Variants in OPRK1 observed in about 807,000 individuals in gnomAD.
OPRK1 encodes opioid receptor kappa 1.
OPRK1 carries 15 observed loss-of-function variants against 24.5 expected under a neutral mutation model. The observed-to-expected ratio is 0.61, with a 90% CI of 0.41 to 0.94. The LOEUF (loss-of-function observed/expected upper bound fraction) is 0.94, where lower values mean the gene tolerates loss of function less well. Among genes scored for constraint, OPRK1 ranks in the 40% least tolerant of loss-of-function variants. The probability of loss-of-function intolerance (pLI) is 0.00; values close to 1 mark genes in which losing one functional copy is unlikely to be tolerated. For missense variants in OPRK1, 479 were observed against 507.3 expected (o/e 0.94, Z 0.54); for synonymous variants, 205 against 198.0 (o/e 1.04, Z -0.30).
chr8:53,239,471 A>G (rs911263713), intron 2 of OPRK1, among the ~76,000 whole-genome samples: 1 of 152,168 alleles, frequency 6.6e-6, no homozygotes, highest in African/African-American at 2.4e-5. Flanking sequence ...GAGGAAATGG[A>G]TTTCCTGGTT....
chr8:53,241,311 T>C (rs1313510049), intron 2 of OPRK1, among the ~76,000 whole-genome samples: 1 of 152,212 alleles, frequency 6.6e-6, no homozygotes, highest in Non-Finnish European at 1.5e-5. Context: ...TCAGTTTCAG[T>C]TCACCTCAAT....
intron 2 of OPRK1, among the ~76,000 whole-genome samples, chr8:53,236,670 G>A (rs1384759192): frequency 6.6e-6 from 1 of 152,202 alleles, no homozygotes; most frequent in Admixed American, 6.5e-5. Context: ...AGCAAGGACA[G>A]TTACTGAGAA....
Position 53,235,124 on chromosome 8 carries a change from A to G in OPRK1, c.258-13T>C. On this transcript the variant is annotated splice_polypyrimidine_tract_variant and intron_variant, in intron 2 of 3. Transcript: ENST00000265572. ...CATCTTTGTGTATCTAAAAGAAAAG[A>G]AACAATAGCATTTCCCTCCATTTTC... 4 of 1,600,546 alleles carry G rather than the reference A, an allele frequency of 2.5e-6. No individual in the cohort carries two copies. The highest frequency in any genetic ancestry group is 3.4e-6 in the Non-Finnish European group (4 of 1,170,268).
Position 53,246,520 on chromosome 8 carries a change from T to TTCATGTGC in OPRK1, c.257+4253_257+4260dup, listed in dbSNP as rs1807232489. Among the ~76,000 whole-genome samples the TTCATGTGC allele has an allele frequency of 2.0e-5, 3 of 152,186 alleles. No homozygotes were observed. The South Asian group carries it at 6.2e-4, about 32-fold the overall frequency. On this transcript the variant is annotated intron_variant, in intron 2 of 3. Transcript: ENST00000265572. ...GTAAGATGACAGATGCTTGGTTATG[T>TTCATGTGC]TCATGTGCTGAAGAGCAGGTGAAGA...
Position 53,232,842 on chromosome 8 carries a change from T to C in OPRK1, c.610+1917A>G, listed in dbSNP as rs577357753. On this transcript the variant is annotated intron_variant, in intron 3 of 3. Transcript: ENST00000265572. ...TGCTTATAGCGATTATAATAATTCT[T>C]AGCTACTATAAAAAAGTAAGAGCAG... 1.1e-3 allele frequency among the ~76,000 whole-genome samples: 162 copies of C among 152,340 alleles called. 3 individuals carry two copies. The highest frequency in any genetic ancestry group is 6.8e-3 in the Middle Eastern group (2 of 294).
chr8:53,235,098 T>G lies in OPRK1; in HGVS notation c.271A>C (p.Lys91Gln). The G allele has an allele frequency of 1.9e-6, 3 of 1,613,262 alleles. No individual in the cohort carries two copies. The highest frequency in any genetic ancestry group is 1.3e-5 in the African/African-American group (1 of 75,026). The change falls in exon 3 of 4, where the codon AAG (lysine) becomes CAG (glutamine). Residue 91 changes from lysine (K) to glutamine (Q), a missense_variant. Coordinates refer to ENST00000265572, the MANE Select transcript of OPRK1 (RefSeq NM_000912.5). ...MFVIIRYTKM[K>Q]TATNIYIFNL... Reference sequence around the variant, plus strand: ...AATATGTAAATGTTGGTTGCTGTCTTCATCTTTGTGTATCTAAAAGAAAAG... The same window carrying G: ...AATATGTAAATGTTGGTTGCTGTCTGCATCTTTGTGTATCTAAAAGAAAAG...
At chr8:53,236,349 TCCAG>T (rs1806997475) in intron 2 of OPRK1, among the ~76,000 whole-genome samples, 1 of 152,160 alleles carries the variant, frequency 6.6e-6, no homozygotes, top group African/African-American at 2.4e-5. Flanking sequence ...AGGTTCACAC[TCCAG>T]CCTCAGTGTC....
In OPRK1 at chr8:53,227,673, G is replaced by A. The variant is rs944424204; in HGVS notation, c.*1624C>T. The A allele has an allele frequency of 2.0e-5, 3 of 151,828 alleles. No individual in the cohort carries two copies. The highest frequency in any genetic ancestry group is 1.9e-4 in the East Asian group (1 of 5,150). 9.4% of individuals were successfully genotyped at this position (151,828 alleles called of 1,614,324 possible). A position where few individuals can be genotyped will look rare whatever the true frequency, so the allele number is the denominator to read the frequency against. Reference sequence around the variant, plus strand: ...CTGTGTTAGGTGCCATGATAATCTGGAGTAGAGGCAAACATGGTCAGAGTA... The same window carrying A: ...CTGTGTTAGGTGCCATGATAATCTGAAGTAGAGGCAAACATGGTCAGAGTA... On this transcript the variant is annotated 3_prime_UTR_variant, in exon 4 of 4. Coordinates refer to ENST00000265572, the MANE Select transcript of OPRK1 (RefSeq NM_000912.5).
At chr8:53,238,651 G>A in intron 2 of OPRK1, 2 of 985,464 alleles carry the variant, frequency 2.0e-6, no homozygotes, top group Non-Finnish European at 2.4e-6. Context: ...TCTCTTTACA[G>A]AGAAACGAGG....
intron 3 of OPRK1, among the ~76,000 whole-genome samples, chr8:53,231,425 C>T (rs1341893862): frequency 6.6e-6 from 1 of 152,118 alleles, no homozygotes; most frequent in Non-Finnish European, 1.5e-5. Context: ...CTTTTATTTT[C>T]AGCATTAGTT....
chr8:53,234,537 G>A (rs186927857), intron 3 of OPRK1, among the ~76,000 whole-genome samples: 47 of 152,184 alleles, frequency 3.1e-4, no homozygotes, highest in African/African-American at 1.1e-3. Context: ...GAGACAGGTC[G>A]GGCATCTCTC....
chr8:53,249,823 C>T (rs907792983), intron 2 of OPRK1, among the ~76,000 whole-genome samples: 13 of 152,060 alleles, frequency 8.5e-5, no homozygotes, highest in African/African-American at 2.4e-4. Context: ...ACTTGCATCC[C>T]GCCCTTATTT....
chr8:53,234,022 C>G (rs1179663727), intron 3 of OPRK1, among the ~76,000 whole-genome samples: 2 of 151,804 alleles, frequency 1.3e-5, no homozygotes, highest in African/African-American at 4.8e-5. Context: ...ACGGTGAAAC[C>G]CTGTCTCTAC....
intron 2 of OPRK1, among the ~76,000 whole-genome samples, chr8:53,249,519 C>G (rs553629615): frequency 2.0e-5 from 3 of 152,094 alleles, no homozygotes; most frequent in Non-Finnish European, 4.4e-5. Flanking sequence ...GGGCACCAAG[C>G]TATAAACACT....
intron 3 of OPRK1, among the ~76,000 whole-genome samples, chr8:53,231,902 C>T (rs1028087896): frequency 6.6e-6 from 1 of 152,110 alleles, no homozygotes; most frequent in African/African-American, 2.4e-5. Context: ...CAGCTTCCTC[C>T]CAAACAAACT....
At chr8:53,230,007 C>G (rs1806815159) in intron 3 of OPRK1, among the ~76,000 whole-genome samples, 178 bp from the exon 4 acceptor site, 1 of 151,816 alleles carries the variant, frequency 6.6e-6, no homozygotes, top group Non-Finnish European at 1.5e-5. Context: ...TGTTAGCCAT[C>G]CTAATCTTTG....
rs1351837367 is a variant in OPRK1 at position 53,250,969 on chromosome 8, G to A, written c.69C>T (p.Pro23=). 3 of 1,605,448 alleles carry A rather than the reference G, an allele frequency of 1.9e-6. No homozygotes were observed. Among genetic ancestry groups the A allele is most frequent in the Non-Finnish European group, 1.7e-6 (2 of 1,176,198 alleles). ...GPTCAPSACL[P]PNSSAWFPGW... is the part of the protein sequence containing the mutation. The stretch of plus-strand genomic sequence containing the variant: ...CGGGAAACCAGGCGCTGCTGTTGGG[G>A]GGCAGGCAGGCGCTCGGGGCGCAGG... Residue 23 remains proline, a synonymous_variant, in exon 2 of 4, where the codon CCC becomes CCT. Transcript: ENST00000265572.
rs1276412594 is a variant in OPRK1 at position 53,226,163 on chromosome 8, T to G, written c.*3134A>C. 1.3e-5 allele frequency: 2 copies of G among 152,134 alleles called. No individual in the cohort carries two copies. The highest frequency in any genetic ancestry group is 4.8e-5 in the African/African-American group (2 of 41,372). 9.4% of individuals were successfully genotyped at this position (152,134 alleles called of 1,614,324 possible). ...TAATATATCACAGAATAGAACCATT[T>G]TCTTAAGATTTTATGTGACTCTTTA... On this transcript the variant is annotated 3_prime_UTR_variant, in exon 4 of 4. Coordinates refer to ENST00000265572, the MANE Select transcript of OPRK1 (RefSeq NM_000912.5).
At position 53,229,277 on chromosome 8, in the gene OPRK1, G is replaced by T; in HGVS notation, c.*20C>A. On this transcript the variant is annotated 3_prime_UTR_variant, in exon 4 of 4. Transcript: ENST00000265572. The stretch of plus-strand genomic sequence containing the variant: ...CTCCTCTCTTCCCGAAGAACTGTAC[G>T]AAGACATCTCCACGACTAGTCATAC... 6.2e-7 allele frequency: 1 copy of T among 1,601,134 alleles called. No individual in the cohort carries two copies. Among genetic ancestry groups the T allele is most frequent in the South Asian group, 1.1e-5 (1 of 88,918 alleles).
Sources: gnomAD v4.1 joint callset for allele counts (sites outside exome capture counted in the v4.1 genomes callset) on GRCh38, gnomAD v4.1.1 for gene constraint, MANE v1.5 for transcripts, NCBI Gene and HGNC (gene_info 2026-07-23, HGNC 2026-07-21) for gene names.